Variants in EHD4 observed in about 807,000 individuals in gnomAD.
EHD4 encodes EH domain-containing protein 4.
EHD4 carries 37 observed loss-of-function variants against 51.0 expected under a neutral mutation model. The observed-to-expected ratio is 0.73, with a 90% CI of 0.56 to 0.95. The LOEUF is 0.95. EHD4 is among the 40% of genes least tolerant of loss of function. The pLI is 0.00. For synonymous variants in EHD4, 297 were observed against 317.3 expected (o/e 0.94, Z 0.68); for missense variants, 632 against 733.1 (o/e 0.86, Z 1.59).
chr15:41,937,400 AAG>A (rs1418637365), intron 3 of EHD4, among the ~76,000 whole-genome samples: 3 of 152,158 alleles, frequency 2.0e-5, no homozygotes, highest in African/African-American at 7.2e-5. Context: ...AGGCTGTGGT[AAG>A]AGTGTCATGT....
intron 1 of EHD4, among the ~76,000 whole-genome samples, chr15:41,960,670 A>ATT (rs577281838): frequency 5.6e-4 from 72 of 127,876 alleles, no homozygotes; most frequent in Non-Finnish European, 7.3e-4. Flanking sequence ...CTTCACTTAC[A>ATT]TTTTTTTTTT....
At chr15:41,963,265 G>T (rs994323725) in intron 1 of EHD4, among the ~76,000 whole-genome samples, 10 of 148,102 alleles carry the variant, frequency 6.8e-5, no homozygotes, top group Non-Finnish European at 1.3e-4. Flanking sequence ...TCCCCCCCTC[G>T]GAGAAACACC....
At chr15:41,954,927 G>A (rs1194543177) in intron 1 of EHD4, among the ~76,000 whole-genome samples, 1 of 152,208 alleles carries the variant, frequency 6.6e-6, no homozygotes, top group East Asian at 1.9e-4. Flanking sequence ...ACCGCAACTG[G>A]CCTAAAACTG....
At chr15:41,943,407 C>CA (rs1566824297) in intron 2 of EHD4, among the ~76,000 whole-genome samples, 1 of 152,206 alleles carries the variant, frequency 6.6e-6, no homozygotes, top group Non-Finnish European at 1.5e-5. Context: ...GAGAGGTGCA[C>CA]AAGCACCTGC....
intron 1 of EHD4, among the ~76,000 whole-genome samples, chr15:41,965,785 C>T (rs1331205271): frequency 6.6e-6 from 1 of 152,158 alleles, no homozygotes; most frequent in Non-Finnish European, 1.5e-5. Flanking sequence ...AAGATAATGT[C>T]AGGATGGAAA....
chr15:41,924,085 G>A (rs80254273), intron 3 of EHD4, among the ~76,000 whole-genome samples: 2,545 of 152,312 alleles, frequency 0.017, 63 homozygotes, highest in African/African-American at 0.046. Context: ...ATAAGGCATT[G>A]AGACTTTGTT....
At chr15:41,918,431 A>T (rs2067600368) in intron 4 of EHD4, among the ~76,000 whole-genome samples, 1 of 152,208 alleles carries the variant, frequency 6.6e-6, no homozygotes, top group African/African-American at 2.4e-5. Context: ...TTTATGAAAC[A>T]TGCACATATT....
rs148432580 is a variant in EHD4, at chr15:41,955,112, T to C, written c.237-1172A>G. ...TAAATCTGATGATATCTTTTATCTCTAAATTTAGAGAAAAAAATCTGCTAA... is the reference window on the plus strand; with the variant it reads ...TAAATCTGATGATATCTTTTATCTCCAAATTTAGAGAAAAAAATCTGCTAA... On this transcript the variant is annotated intron_variant, in intron 1 of 5. Transcript: ENST00000220325. Among the ~76,000 whole-genome samples, 251 of 152,298 alleles carry C rather than the reference T, an allele frequency of 1.6e-3. 1 individual carries two copies. The highest frequency in any genetic ancestry group is 3.1e-3 in the Non-Finnish European group (214 of 68,036).
At chr15:41,939,025 G>A (rs781352584) in intron 3 of EHD4, among the ~76,000 whole-genome samples, 10 of 152,156 alleles carry the variant, frequency 6.6e-5, no homozygotes, top group African/African-American at 2.2e-4. Context: ...ATAAGAGGTC[G>A]AGTGGGAAGG....
At chr15:41,960,282 A>G (rs537253458) in intron 1 of EHD4, among the ~76,000 whole-genome samples, 1 of 152,216 alleles carries the variant, frequency 6.6e-6, no homozygotes, top group Non-Finnish European at 1.5e-5. Context: ...GCCAAGTTAA[A>G]TAGCTTACAG....
intron 4 of EHD4, among the ~76,000 whole-genome samples, chr15:41,914,234 G>A (rs2067568374): frequency 6.6e-6 from 1 of 152,214 alleles, no homozygotes; most frequent in Non-Finnish European, 1.5e-5. Flanking sequence ...AAGGCATGGT[G>A]ACACACTGTG....
At chr15:41,935,001 A>G (rs975707204) in intron 3 of EHD4, among the ~76,000 whole-genome samples, 1 of 152,146 alleles carries the variant, frequency 6.6e-6, no homozygotes, top group Non-Finnish European at 1.5e-5. Context: ...CCTACAGCTC[A>G]CAGCAGGTGG....
Position 41,919,619 on chromosome 15 carries a change from T to A in EHD4, c.515A>T (p.Tyr172Phe). 1 of 1,510,326 alleles carries A rather than the reference T, an allele frequency of 6.6e-7. No homozygotes were observed. Among genetic ancestry groups the A allele is most frequent in the South Asian group, 1.4e-5 (1 of 73,238 alleles). The allele number at this position is 1,510,326 out of a possible 1,614,324, so 93.6% of individuals were successfully genotyped here. A position where few individuals can be genotyped will look rare whatever the true frequency, so the allele number is the denominator to read the frequency against. Residue 172 changes from tyrosine (Y) to phenylalanine (F), a missense_variant, in exon 4 of 6, where the codon TAT becomes TTT. Physicochemically the swap from Tyr to Phe is conservative, Grantham distance 22. Coordinates refer to ENST00000220325, the MANE Select transcript of EHD4 (RefSeq NM_139265.4). The stretch of plus-strand genomic sequence containing the variant: ...CCACTGCAGGACCTGGCAGAAGTCA[T>A]AGCCTGGGTGGAGAGAAGGACACGT... The part of the protein sequence containing the change: ...SGEKQRISRG[Y>F]DFCQVLQWFA...
intron 1 of EHD4, among the ~76,000 whole-genome samples, chr15:41,964,469 GGTGCAAT>G (rs987342747): frequency 4.1e-4 from 62 of 151,898 alleles, no homozygotes; most frequent in African/African-American, 1.5e-3. Context: ...TGGGTGTGGT[GGTGCAAT>G]GTACCTGTAG....
Position 41,901,186 on chromosome 15 carries a change from A to C in EHD4, c.1090-5T>G. 6.5e-7 allele frequency: 1 copy of C among 1,537,380 alleles called. No homozygotes were observed. Among genetic ancestry groups the C allele is most frequent in the East Asian group, 2.3e-5 (1 of 44,236 alleles). ...GTCATAGTTCTCAAGCTGTTCCTGCAGAAGGACAAACCACAGGATGGGTTA... is the reference window on the plus strand; with the variant it reads ...GTCATAGTTCTCAAGCTGTTCCTGCCGAAGGACAAACCACAGGATGGGTTA... On this transcript the variant is annotated splice_polypyrimidine_tract_variant and splice_region_variant and intron_variant, in intron 5 of 5. Transcript: ENST00000220325.
intron 3 of EHD4, among the ~76,000 whole-genome samples, chr15:41,932,863 C>T (rs541543993): frequency 1.3e-5 from 2 of 152,344 alleles, no homozygotes; most frequent in South Asian, 4.1e-4. Flanking sequence ...ATCCTCTGCC[C>T]TCCCCTGGGA....
chr15:41,934,754 T>C (rs779457388), intron 3 of EHD4, among the ~76,000 whole-genome samples: 5 of 152,062 alleles, frequency 3.3e-5, no homozygotes, highest in Non-Finnish European at 7.4e-5. Flanking sequence ...CTAGAACATA[T>C]ATGCCACATG....
chr15:41,971,487 CTA>C (rs1172870557), intron 1 of EHD4, among the ~76,000 whole-genome samples: 1 of 152,210 alleles, frequency 6.6e-6, no homozygotes, highest in Non-Finnish European at 1.5e-5. Context: ...TCTTTTGAAA[CTA>C]TATGATTTGA....
rs771140821 is a variant in EHD4, at chr15:41,919,210, CT to C, written c.923del (p.Lys308ArgfsTer10). 6.2e-7 allele frequency: 1 copy of C among 1,613,720 alleles called. No individual in the cohort carries two copies. ...NDLIKRARLAKVHAYIISYLK... is the reference protein window; with the variant it reads ...NDLIKRARLAXVHAYIISYLK... ...CTGTGCAAGGCATCTCCTGGCTTAC[CT>C]TGGCCAGCCTCGCTCGCTTGATGAG... On this transcript the variant is annotated frameshift_variant and splice_region_variant, in exon 4 of 6. Coordinates refer to ENST00000220325, the MANE Select transcript of EHD4 (RefSeq NM_139265.4). LOFTEE classifies it high-confidence loss of function.
Sources: gnomAD v4.1 joint callset for allele counts (sites outside exome capture counted in the v4.1 genomes callset) on GRCh38, gnomAD v4.1.1 for gene constraint, MANE v1.5 for transcripts, NCBI Gene and HGNC (gene_info 2026-07-23, HGNC 2026-07-21) for gene names.